The following NEO1 variants were observed in gnomAD, a reference collection of about 807,000 sequenced individuals.
The protein encoded by NEO1 is neogenin 1, also known as neogenin.
A neutral mutation model predicts 159.7 loss-of-function variants in NEO1; 63 were observed. That is an observed-to-expected ratio of 0.39 (90% confidence interval 0.32 to 0.49). The LOEUF is 0.49. NEO1 is among the 20% of genes least tolerant of loss of function. The pLI, the probability that NEO1 is intolerant of heterozygous loss-of-function variation, is 0.85. For synonymous variants in NEO1, 633 were observed against 662.0 expected (o/e 0.96, Z 0.67); for missense variants, 1,615 against 1,831.0 (o/e 0.88, Z 2.15).
At chr15:73,062,640 T>A (rs2068033590) in intron 1 of NEO1, among the ~76,000 whole-genome samples, 1 of 152,248 alleles carries the variant, frequency 6.6e-6, no homozygotes, top group African/African-American at 2.4e-5. Flanking sequence ...CTATTACCTC[T>A]TTTAAGACAG....
chr15:73,241,451 T>A (rs1473137995), intron 8 of NEO1, among the ~76,000 whole-genome samples: 1 of 152,070 alleles, frequency 6.6e-6, no homozygotes, highest in East Asian at 1.9e-4. Flanking sequence ...TTTTGCCTCT[T>A]GGCCTATAAA....
rs372782389 is a variant in NEO1, at chr15:73,182,001, C to G, written c.1291+3574C>G. On this transcript the variant is annotated intron_variant, in intron 7 of 28. Transcript: ENST00000261908. Reference sequence around the variant, plus strand: ...ACAAAAGAGATTTAATGGGACTTGCCCTTCCACATGGCTGGGGAGGTCTCA... The same window carrying G: ...ACAAAAGAGATTTAATGGGACTTGCGCTTCCACATGGCTGGGGAGGTCTCA... 6.6e-5 allele frequency among the ~76,000 whole-genome samples: 10 copies of G among 151,824 alleles called. No homozygotes were observed. In the East Asian group the frequency reaches 9.8e-4, roughly 15 times the overall value.
At chr15:73,278,559 C>T (rs570676340) in intron 22 of NEO1, among the ~76,000 whole-genome samples, 62 of 152,306 alleles carry the variant, frequency 4.1e-4, no homozygotes, top group African/African-American at 1.4e-3. Context: ...TAAGTTCTTC[C>T]AGTGCTACTA....
At chr15:73,286,394 T>C (rs954765070) in intron 23 of NEO1, among the ~76,000 whole-genome samples, 2 of 152,234 alleles carry the variant, frequency 1.3e-5, no homozygotes, top group African/African-American at 2.4e-5. Flanking sequence ...TGTTTTGTTT[T>C]GTTTTTTGTT....
chr15:73,172,904 A>T (rs1024861115), intron 5 of NEO1, among the ~76,000 whole-genome samples: 23 of 152,174 alleles, frequency 1.5e-4, no homozygotes, highest in African/African-American at 3.4e-4. Context: ...CCATTTGGGG[A>T]TTTGACACAC....
chr15:73,126,665 A>G, intron 4 of NEO1, 95 bp downstream of exon 4: 1 of 1,180,456 alleles, frequency 8.5e-7, no homozygotes, highest in African/African-American at 1.5e-5. Context: ...AAGATTATCA[A>G]CTTTATTTAA....
chr15:73,209,098 TATTC>T (rs889012502), intron 7 of NEO1, among the ~76,000 whole-genome samples: 2 of 152,246 alleles, frequency 1.3e-5, no homozygotes, highest in African/African-American at 4.8e-5. Flanking sequence ...AGTTTTCTTT[TATTC>T]ATTATCATTA....
At chr15:73,069,382 AG>A (rs1399643557) in intron 1 of NEO1, among the ~76,000 whole-genome samples, 1 of 151,752 alleles carries the variant, frequency 6.6e-6, no homozygotes, top group Non-Finnish European at 1.5e-5. Context: ...CCTGTTATTG[AG>A]GCAGAGATAC....
chr15:73,228,157 G>C (rs540890895), intron 7 of NEO1, among the ~76,000 whole-genome samples: 34 of 152,240 alleles, frequency 2.2e-4, no homozygotes, highest in South Asian at 1.2e-3. Flanking sequence ...AATTATCAAA[G>C]ACTTTTATAA....
intron 2 of NEO1, among the ~76,000 whole-genome samples, chr15:73,119,655 T>G (rs774517419): frequency 5.9e-5 from 9 of 152,236 alleles, no homozygotes; most frequent in Non-Finnish European, 2.9e-5. Flanking sequence ...GCTTCCTTCT[T>G]GGGAGCGCAG....
chr15:73,240,304 A>T (rs2039428038), intron 8 of NEO1, among the ~76,000 whole-genome samples: 3 of 152,168 alleles, frequency 2.0e-5, no homozygotes. Context: ...AGCAGGAATG[A>T]TTAGTAAATT....
chr15:73,151,465 C>T (rs2033364210), intron 5 of NEO1, among the ~76,000 whole-genome samples: 1 of 152,200 alleles, frequency 6.6e-6, no homozygotes, highest in African/African-American at 2.4e-5. Context: ...TGAGTTTGTT[C>T]TCACACTGCT....
At chr15:73,215,784 A>C (rs376400157) in intron 7 of NEO1, among the ~76,000 whole-genome samples, 11 of 152,234 alleles carry the variant, frequency 7.2e-5, no homozygotes, top group African/African-American at 2.6e-4. Context: ...TATTAGGCTG[A>C]TGCTGGCTTC....
chr15:73,113,382 C>G (rs1475347891), intron 1 of NEO1, among the ~76,000 whole-genome samples: 2 of 152,124 alleles, frequency 1.3e-5, no homozygotes, highest in South Asian at 2.1e-4. Context: ...GTGCCATCCA[C>G]CATGCTAGGT....
chr15:73,105,252 T>A (rs887435562), intron 1 of NEO1, among the ~76,000 whole-genome samples: 4 of 152,148 alleles, frequency 2.6e-5, no homozygotes, highest in African/African-American at 9.7e-5. Context: ...TGTCCACTGT[T>A]TCAGTTGGGC....
chr15:73,090,367 C>A (rs1174451492), intron 1 of NEO1, among the ~76,000 whole-genome samples: 1 of 151,824 alleles, frequency 6.6e-6, no homozygotes, highest in Non-Finnish European at 1.5e-5. Flanking sequence ...TTACTCCATG[C>A]ATTTAAAAAA....
Position 73,258,809 on chromosome 15 carries a change from A to G in NEO1, c.2136A>G (p.Leu712=). 7 of 1,613,936 alleles carry G rather than the reference A, an allele frequency of 4.3e-6. No homozygotes were observed. The highest frequency in any genetic ancestry group is 5.9e-6 in the Non-Finnish European group (7 of 1,179,886). The change falls in exon 14 of 29, where the codon CTA becomes CTG. Residue 712 remains leucine (L), a synonymous_variant. Coordinates refer to ENST00000261908, the MANE Select transcript of NEO1 (RefSeq NM_002499.4). ...GTEYNFRVAA[L]TINGTGPATD... is the part of the protein sequence containing the mutation. ...AGTATAATTTCCGAGTGGCTGCTCT[A>G]ACAATCAATGGTACAGGCCCGGCAA...
At chr15:73,239,497 G>A (rs1002991385) in intron 8 of NEO1, among the ~76,000 whole-genome samples, 4 of 152,082 alleles carry the variant, frequency 2.6e-5, no homozygotes, top group African/African-American at 9.7e-5. Context: ...ACATAACAAC[G>A]CTTCAGTCAG....
At chr15:73,296,573 A>G (rs2042379064) in intron 26 of NEO1, among the ~76,000 whole-genome samples, 1 of 152,190 alleles carries the variant, frequency 6.6e-6, no homozygotes, top group African/African-American at 2.4e-5. Flanking sequence ...ATTCACTGCT[A>G]CTTCAGCAAC....
Sources: gnomAD v4.1 joint callset for allele counts (sites outside exome capture counted in the v4.1 genomes callset) on GRCh38, gnomAD v4.1.1 for gene constraint, MANE v1.5 for transcripts, NCBI Gene and HGNC (gene_info 2026-07-23, HGNC 2026-07-21) for gene names.